Variants in NRG3 observed in about 807,000 individuals in gnomAD.
The protein encoded by NRG3 is neuregulin 3.
Under a neutral mutation model 66.9 loss-of-function variants are expected in NRG3, and 31 were observed. That is an observed-to-expected ratio of 0.46 (90% CI 0.35 to 0.63). The LOEUF is 0.63. Ranked by LOEUF, NRG3 falls within the 20% of genes least tolerant of loss-of-function variation. The pLI is 0.00. For synonymous variants in NRG3, 393 were observed against 359.4 expected, an observed-to-expected ratio of 1.09 and a Z score of -1.06; for missense variants, 910 against 878.9, an observed-to-expected ratio of 1.04 and a Z score of -0.45.
intron 2 of NRG3, among the ~76,000 whole-genome samples, chr10:82,672,291 G>T (rs1467756346): frequency 6.6e-6 from 1 of 152,168 alleles, no homozygotes; most frequent in Non-Finnish European, 1.5e-5. Flanking sequence ...CAGGCCATGT[G>T]GCCAGAGCAC....
intron 1 of NRG3, among the ~76,000 whole-genome samples, chr10:82,083,510 A>G (rs1236681144): frequency 2.6e-5 from 4 of 151,888 alleles, no homozygotes; most frequent in Admixed American, 6.6e-5. Context: ...TACTGGGTAG[A>G]GATAATTTTA....
chr10:81,999,949 T>C (rs2061097562), intron 1 of NRG3, among the ~76,000 whole-genome samples: 1 of 152,210 alleles, frequency 6.6e-6, no homozygotes, highest in South Asian at 2.1e-4. Flanking sequence ...CTGGACAGTA[T>C]TAACTTCCTT....
intron 1 of NRG3, among the ~76,000 whole-genome samples, chr10:82,083,630 T>C (rs890841886): frequency 6.7e-6 from 1 of 149,270 alleles, no homozygotes; most frequent in Non-Finnish European, 1.5e-5. Context: ...AGAGTTTCGC[T>C]CTTGTCCAGG....
At chr10:82,473,382 G>A (rs990505023) in intron 2 of NRG3, among the ~76,000 whole-genome samples, 12 of 152,206 alleles carry the variant, frequency 7.9e-5, no homozygotes, top group Admixed American at 7.2e-4. Flanking sequence ...AAATGTATTA[G>A]GGGTGACAAA....
chr10:82,151,162 G>C (rs773987944), intron 1 of NRG3, among the ~76,000 whole-genome samples: 1 of 152,176 alleles, frequency 6.6e-6, no homozygotes, highest in African/African-American at 2.4e-5. Flanking sequence ...GAACGGCTGA[G>C]GATAGAGGTG....
At chr10:82,630,661 A>G (rs966257560) in intron 2 of NRG3, among the ~76,000 whole-genome samples, 2 of 151,980 alleles carry the variant, frequency 1.3e-5, no homozygotes, top group Admixed American at 6.6e-5. Flanking sequence ...CTGGTTGACA[A>G]GAGTGAAACT....
chr10:82,524,591 A>G (rs555920703), intron 2 of NRG3, among the ~76,000 whole-genome samples: 21 of 151,914 alleles, frequency 1.4e-4, no homozygotes, highest in Non-Finnish European at 2.5e-4. Context: ...TTAGATATAT[A>G]TAATCACTTT....
At chr10:82,157,236 A>C (rs1197342644) in intron 1 of NRG3, among the ~76,000 whole-genome samples, 1 of 151,814 alleles carries the variant, frequency 6.6e-6, no homozygotes, top group African/African-American at 2.4e-5. Flanking sequence ...GCCAAATGTA[A>C]CTCAACAGTG....
chr10:82,108,933 A>G (rs991890141), intron 1 of NRG3, among the ~76,000 whole-genome samples: 8 of 152,100 alleles, frequency 5.3e-5, no homozygotes, highest in African/African-American at 1.9e-4. Flanking sequence ...AGCAACATAA[A>G]TTCACTCTTT....
At chr10:82,978,771 T>C (rs549571736) in intron 7 of NRG3, among the ~76,000 whole-genome samples, 179 bp from the exon 8 acceptor site, 2 of 152,336 alleles carry the variant, frequency 1.3e-5, no homozygotes, top group Admixed American at 1.3e-4. Flanking sequence ...GTAAAATGGA[T>C]TGGGCTATTC....
Position 82,979,094 on chromosome 10 carries a change from A to G in NRG3, c.1557A>G (p.Pro519=). The G allele has an allele frequency of 6.2e-7, 1 of 1,614,122 alleles. No individual in the cohort carries two copies. Among genetic ancestry groups the G allele is most frequent in the Non-Finnish European group, 8.5e-7 (1 of 1,179,984 alleles). Residue 519 remains proline (P), a synonymous_variant, in exon 8 of 9, where the codon CCA becomes CCG. Transcript: ENST00000372141. ...AYQQLEESRI[P]DQDTIPCQGY... is the part of the protein sequence containing the mutation. ...AGCAACTCGAAGAATCAAGGATCCCAGACCAGGATACGATACCTTGCCAAG... is the reference window on the plus strand; with the variant it reads ...AGCAACTCGAAGAATCAAGGATCCCGGACCAGGATACGATACCTTGCCAAG...
chr10:82,514,755 C>T (rs912894687), intron 2 of NRG3, among the ~76,000 whole-genome samples: 1 of 151,990 alleles, frequency 6.6e-6, no homozygotes, highest in Non-Finnish European at 1.5e-5. Context: ...ATGTGAAGAA[C>T]TTCAATGGTA....
intron 3 of NRG3, among the ~76,000 whole-genome samples, chr10:82,739,581 C>A (rs1413008947): frequency 6.6e-6 from 1 of 152,178 alleles, no homozygotes; most frequent in African/African-American, 2.4e-5. Context: ...CATCTTCCAA[C>A]ATCTTTTCAA....
chr10:82,489,955 A>C (rs988069708), intron 2 of NRG3, among the ~76,000 whole-genome samples: 1 of 152,252 alleles, frequency 6.6e-6, no homozygotes, highest in African/African-American at 2.4e-5. Flanking sequence ...GTCATTTTCA[A>C]CCTCATACCT....
intron 3 of NRG3, among the ~76,000 whole-genome samples, chr10:82,759,923 A>G (rs1017835510): frequency 1.3e-5 from 2 of 152,024 alleles, no homozygotes; most frequent in Non-Finnish European, 2.9e-5. Context: ...CAAAGAGGAA[A>G]CTCTATGGGT....
At chr10:82,717,500 C>T (rs891186455) in intron 2 of NRG3, among the ~76,000 whole-genome samples, 7 of 149,640 alleles carry the variant, frequency 4.7e-5, no homozygotes, top group African/African-American at 1.2e-4. Context: ...CCCAGGTTCA[C>T]GCCATCCTCC....
intron 3 of NRG3, among the ~76,000 whole-genome samples, chr10:82,792,602 A>G (rs1299538139): frequency 6.6e-6 from 1 of 152,164 alleles, no homozygotes; most frequent in African/African-American, 2.4e-5. Flanking sequence ...CCAGTTTAAC[A>G]AACTCTTCTA....
chr10:82,499,926 A>G (rs1475769037), intron 2 of NRG3, among the ~76,000 whole-genome samples: 3 of 152,206 alleles, frequency 2.0e-5, no homozygotes, highest in Non-Finnish European at 4.4e-5. Context: ...AATGAAGACT[A>G]GAAAACATCT....
intron 2 of NRG3, among the ~76,000 whole-genome samples, chr10:82,371,376 G>A (rs1233729184): frequency 1.3e-5 from 2 of 152,126 alleles, no homozygotes; most frequent in African/African-American, 2.4e-5. Context: ...CTATAGAATG[G>A]CACTTTTTGT....
Sources: gnomAD v4.1 joint callset for allele counts (sites outside exome capture counted in the v4.1 genomes callset) on GRCh38, gnomAD v4.1.1 for gene constraint, MANE v1.5 for transcripts, NCBI Gene and HGNC (gene_info 2026-07-23, HGNC 2026-07-21) for gene names.